Variants in MTMR7 observed in about 807,000 individuals in gnomAD.
MTMR7 encodes myotubularin related protein 7, also known as phosphatidylinositol-3-phosphate phosphatase MTMR7.
In MTMR7, 76 loss-of-function variants were observed where a neutral mutation model predicts 81.2. That is an observed-to-expected ratio of 0.94 (90% CI 0.78 to 1.13). The LOEUF (loss-of-function observed/expected upper bound fraction) is 1.13, where lower values mean the gene tolerates loss of function less well. Among genes scored for constraint, MTMR7 ranks in the 50% most tolerant of loss-of-function variants. MTMR7 has a pLI of 0.00. For missense variants in MTMR7, 1,044 were observed against 820.0 expected (o/e 1.27, Z -3.34); for synonymous variants, 372 against 289.8 (o/e 1.28, Z -2.88).
chr8:17,308,010 A>G (rs1451491658), intron 10 of MTMR7, among the ~76,000 whole-genome samples: 1 of 152,022 alleles, frequency 6.6e-6, no homozygotes, highest in African/African-American at 2.4e-5. Context: ...CACGTTGTGC[A>G]CATGTACCCT....
intron 1 of MTMR7, among the ~76,000 whole-genome samples, chr8:17,383,985 G>A (rs191175563): frequency 6.6e-6 from 1 of 152,254 alleles, no homozygotes; most frequent in East Asian, 1.9e-4. Flanking sequence ...AGGTGTCACT[G>A]TCTGTATAAT....
intron 1 of MTMR7, among the ~76,000 whole-genome samples, chr8:17,386,806 G>T (rs1439667617): frequency 6.6e-6 from 1 of 152,282 alleles, no homozygotes; most frequent in African/African-American, 2.4e-5. Context: ...ACATGATTTG[G>T]GTAGCTGGAT....
At chr8:17,304,551 CTATTTTGGTGCT>C in intron 11 of MTMR7, 32 bp from the exon 12 acceptor site, 1 of 1,599,518 alleles carries the variant, frequency 6.3e-7, no homozygotes, top group Non-Finnish European at 8.6e-7. Context: ...TATAAATGAC[CTATTTTGGTGCT>C]TACACACAGT....
intron 7 of MTMR7, chr8:17,326,525 T>G (rs1190555732): frequency 6.6e-6 from 1 of 152,206 alleles, no homozygotes; most frequent in East Asian, 1.9e-4. Context: ...TGTAATATGA[T>G]AAAAAGTGCT....
At position 17,361,239 on chromosome 8, in the gene MTMR7, G is replaced by C; in HGVS notation, c.346C>G (p.Pro116Ala). The change falls in exon 4 of 14, where the codon CCC becomes GCC. Residue 116 changes from proline to alanine, a missense_variant. Coordinates refer to ENST00000180173, the MANE Select transcript of MTMR7 (RefSeq NM_004686.5). Reference protein sequence around the residue: ...YEELYCFSFNPMLDKEEREQG... With the variant: ...YEELYCFSFNAMLDKEEREQG... ...TCTCTTTCTTCTTTATCCAGCATGGGGTTGAATGAAAAGCAGTATAACTCC... is the reference window on the plus strand; with the variant it reads ...TCTCTTTCTTCTTTATCCAGCATGGCGTTGAATGAAAAGCAGTATAACTCC... The C allele has an allele frequency of 1.9e-6, 3 of 1,614,118 alleles. No homozygotes were observed. The Admixed American group carries it at 5.0e-5, about 27-fold the overall frequency.
intron 4 of MTMR7, among the ~76,000 whole-genome samples, chr8:17,352,684 A>G (rs1819763958): frequency 6.6e-6 from 1 of 152,220 alleles, no homozygotes; most frequent in Non-Finnish European, 1.5e-5. Flanking sequence ...GTGAGAAGCT[A>G]TTAGTAAATT....
intron 7 of MTMR7, among the ~76,000 whole-genome samples, chr8:17,328,287 C>T (rs551331381): frequency 6.6e-6 from 1 of 152,302 alleles, no homozygotes; most frequent in African/African-American, 2.4e-5. Flanking sequence ...TAACTCCATA[C>T]ACCTTTCCAC....
At chr8:17,326,031 C>G (rs546567970) in intron 7 of MTMR7, among the ~76,000 whole-genome samples, 1 of 152,296 alleles carries the variant, frequency 6.6e-6, no homozygotes, top group Admixed American at 6.5e-5. Context: ...AGATATGTTG[C>G]TTACATTGCT....
At chr8:17,409,249 A>G (rs1433694548) in intron 1 of MTMR7, among the ~76,000 whole-genome samples, 1 of 152,162 alleles carries the variant, frequency 6.6e-6, no homozygotes, top group Non-Finnish European at 1.5e-5. Flanking sequence ...ACCTGAGGTC[A>G]GGAGTTCAAG....
At chr8:17,323,890 G>T (rs1175957094) in intron 7 of MTMR7, among the ~76,000 whole-genome samples, 1 of 152,100 alleles carries the variant, frequency 6.6e-6, no homozygotes, top group Non-Finnish European at 1.5e-5. Context: ...CTGAAAATCT[G>T]CCATCTTGGT....
At chr8:17,342,808 C>T (rs1819442494) in intron 5 of MTMR7, among the ~76,000 whole-genome samples, 1 of 152,082 alleles carries the variant, frequency 6.6e-6, no homozygotes, top group Non-Finnish European at 1.5e-5. Context: ...AGCAAAGGGG[C>T]AGCAGCAGAG....
At chr8:17,302,049 A>C (rs1586129609) in intron 13 of MTMR7, 105 bp downstream of exon 13, 2 of 1,476,890 alleles carry the variant, frequency 1.4e-6, no homozygotes, top group African/African-American at 2.8e-5. Flanking sequence ...ACTGACTAAA[A>C]ATGTGAAATA....
intron 6 of MTMR7, among the ~76,000 whole-genome samples, chr8:17,339,862 C>T (rs1226857776): frequency 6.6e-6 from 1 of 152,218 alleles, no homozygotes; most frequent in Non-Finnish European, 1.5e-5. Flanking sequence ...ATTTCAAACT[C>T]TAACTTACGA....
chr8:17,331,186 G>C lies in MTMR7; in HGVS notation c.829C>G (p.His277Asp). The change falls in exon 7 of 14, where the codon CAT (histidine) becomes GAT (aspartate). Residue 277 changes from histidine to aspartate, a missense_variant. By Grantham distance (81) the His-to-Asp change is moderately conservative (BLOSUM62 -1). Coordinates refer to ENST00000180173, the MANE Select transcript of MTMR7 (RefSeq NM_004686.5). ...KFQFIGIENI[H>D]VMRNSLQKML... ...TTCTGCAGACTGTTCCTCATGACAT[G>C]GATGTTCTCTATCCCGATAAACTGA... The C allele has an allele frequency of 1.9e-6, 3 of 1,612,502 alleles. No individual in the cohort carries two copies. The highest frequency in any genetic ancestry group is 2.5e-6 in the Non-Finnish European group (3 of 1,179,534).
chr8:17,393,857 A>C (rs1310298874), intron 1 of MTMR7, among the ~76,000 whole-genome samples: 1 of 152,080 alleles, frequency 6.6e-6, no homozygotes, highest in East Asian at 1.9e-4. Context: ...ACTTAACACA[A>C]ACGTTGAAGA....
chr8:17,303,889 T>A lies in MTMR7; in HGVS notation c.1493+490A>T, dbSNP rs149510921. On this transcript the variant is annotated intron_variant, in intron 12 of 13. Transcript: ENST00000180173. Reference sequence around the variant, plus strand: ...CTAATACATACAATCTTAATGTAATTTCCACAAGGGAAGTACTTCCAGTAG... The same window carrying A: ...CTAATACATACAATCTTAATGTAATATCCACAAGGGAAGTACTTCCAGTAG... 7.6e-4 allele frequency among the ~76,000 whole-genome samples: 115 copies of A among 152,316 alleles called. 1 individual carries two copies. Among genetic ancestry groups the A allele is most frequent in the African/African-American group, 2.7e-3 (114 of 41,582 alleles).
At chr8:17,358,639 C>A (rs1333536003) in intron 4 of MTMR7, among the ~76,000 whole-genome samples, 2 of 152,058 alleles carry the variant, frequency 1.3e-5, no homozygotes, top group Non-Finnish European at 2.9e-5. Flanking sequence ...AAAACATTCC[C>A]CAAATATGAA....
At chr8:17,395,466 C>G (rs1369417235) in intron 1 of MTMR7, among the ~76,000 whole-genome samples, 1 of 152,132 alleles carries the variant, frequency 6.6e-6, no homozygotes, top group African/African-American at 2.4e-5. Context: ...TATGATAATT[C>G]TACATTTAAC....
At chr8:17,410,128 G>A (rs1158896905) in intron 1 of MTMR7, among the ~76,000 whole-genome samples, 1 of 150,900 alleles carries the variant, frequency 6.6e-6, no homozygotes, top group Non-Finnish European at 1.5e-5. Context: ...GTGAGAAAGG[G>A]ATTAGAAAAG....
Sources: gnomAD v4.1 joint callset for allele counts (sites outside exome capture counted in the v4.1 genomes callset) on GRCh38, gnomAD v4.1.1 for gene constraint, MANE v1.5 for transcripts, NCBI Gene and HGNC (gene_info 2026-07-23, HGNC 2026-07-21) for gene names.